The following RYR3 variants were observed in gnomAD, a reference collection of about 807,000 sequenced individuals.
RYR3 encodes the protein ryanodine receptor 3, also known as brain ryanodine receptor-calcium release channel.
RYR3 carries 207 observed loss-of-function variants against 584.3 expected under a neutral mutation model. The ratio of observed to expected loss-of-function variants is 0.35; its 90% CI spans 0.32 to 0.40. RYR3 has a LOEUF of 0.40. Ranked by LOEUF, RYR3 falls within the 10% of genes least tolerant of loss-of-function variation. The pLI is 1.00. For missense variants in RYR3, 5,616 were observed against 6,089.2 expected, an observed-to-expected ratio of 0.92 and a Z score of 2.59; for synonymous variants, 2,416 against 2,248.5, an observed-to-expected ratio of 1.07 and a Z score of -2.11.
rs543864876 is a variant in RYR3, at chr15:33,541,980, C to T, written c.646+1090C>T. Among the ~76,000 whole-genome samples the T allele has an allele frequency of 1.4e-4, 22 of 152,016 alleles. No individual in the cohort carries two copies. In the East Asian group the frequency reaches 1.5e-3, roughly 11 times the overall value. ...TCCATGTTAAATTTTTTATTTTCAC[C>T]ATAGGAATAAAATTATTTCCTGGTC... On this transcript the variant is annotated intron_variant, in intron 7 of 103. Coordinates refer to ENST00000634891, the MANE Select transcript of RYR3 (RefSeq NM_001036.6).
intron 42 of RYR3, among the ~76,000 whole-genome samples, chr15:33,705,101 T>C (rs1015046653): frequency 3.5e-5 from 5 of 142,214 alleles, no homozygotes; most frequent in African/African-American, 1.1e-4. Flanking sequence ...CACACACTCT[T>C]TCTCTCTCTC....
At chr15:33,401,935 T>C (rs1203351647) in intron 1 of RYR3, among the ~76,000 whole-genome samples, 1 of 152,176 alleles carries the variant, frequency 6.6e-6, no homozygotes, top group Non-Finnish European at 1.5e-5. Context: ...TGAGTACATA[T>C]TAATTTCAAC....
intron 91 of RYR3, among the ~76,000 whole-genome samples, chr15:33,842,389 C>T (rs7163140): frequency 0.24 from 36,489 of 152,198 alleles, 5,430 homozygotes; most frequent in African/African-American, 0.42. Context: ...GTTTTGATCA[C>T]GTGGGAATCA....
At chr15:33,685,987 G>A (rs1361850480) in intron 38 of RYR3, among the ~76,000 whole-genome samples, 2 of 152,142 alleles carry the variant, frequency 1.3e-5, no homozygotes, top group Non-Finnish European at 2.9e-5. Context: ...ACAAGAGAAA[G>A]CAGGAAAGAT....
At chr15:33,699,928 C>G in intron 41 of RYR3, 95 bp downstream of exon 41, 1 of 1,235,340 alleles carries the variant, frequency 8.1e-7, no homozygotes, top group South Asian at 1.4e-5. Context: ...GAGCCACATG[C>G]ACGCTGTGAT....
At chr15:33,457,043 C>A (rs1416960811) in intron 1 of RYR3, among the ~76,000 whole-genome samples, 1 of 152,018 alleles carries the variant, frequency 6.6e-6, no homozygotes, top group African/African-American at 2.4e-5. Context: ...GTTTGGAATA[C>A]ATGTAAATGT....
At chr15:33,722,524 A>C (rs2068014762) in intron 43 of RYR3, 191 bp from the exon 44 acceptor site, 1 of 604,172 alleles carries the variant, frequency 1.7e-6, no homozygotes, top group African/African-American at 1.9e-5. Context: ...GGGGTTTATA[A>C]CTAACTGACC....
At chr15:33,322,022 C>T (rs960194265) in intron 1 of RYR3, among the ~76,000 whole-genome samples, 1 of 152,160 alleles carries the variant, frequency 6.6e-6, no homozygotes, top group Non-Finnish European at 1.5e-5. Context: ...TTCTCCCCAA[C>T]GTTTAACTAT....
At chr15:33,369,707 A>AT (rs927113502) in intron 1 of RYR3, among the ~76,000 whole-genome samples, 69 of 152,190 alleles carry the variant, frequency 4.5e-4, no homozygotes, top group African/African-American at 1.6e-3. Context: ...TACCATGTCC[A>AT]TTTTTTTCTG....
Position 33,838,120 on chromosome 15 carries a change from A to G in RYR3, c.12140A>G (p.Glu4047Gly), listed in dbSNP as rs764833379. Residue 4047 changes from glutamate to glycine, a missense_variant, in exon 89 of 104, where the codon GAG (glutamate) becomes GGG (glycine). Glu to Gly is a moderately conservative substitution (Grantham distance 98, BLOSUM62 -2). Around this residue, in one of 9 missense-constraint regions of RYR3, gnomAD observed 258 missense variants for 297.3 expected, o/e 0.87. Transcript: ENST00000634891. ...AAGAAGATTGAGCGTGTTTATTTTG[A>G]GATCAGTGAATCCAGTCGCACTCAG... is the stretch of plus-strand genomic sequence containing the variant. ...GAKKIERVYFEISESSRTQWE... is the reference protein window; with the variant it reads ...GAKKIERVYFGISESSRTQWE... 1.9e-6 allele frequency: 3 copies of G among 1,613,992 alleles called. No homozygotes were observed. Among genetic ancestry groups the G allele is most frequent in the Non-Finnish European group, 2.5e-6 (3 of 1,179,894 alleles).
In RYR3 at chr15:33,580,014, T is replaced by C. The variant is rs377261225; in HGVS notation, c.1307T>C (p.Ile436Thr). 2.9e-5 allele frequency: 47 copies of C among 1,613,150 alleles called. No homozygotes were observed. Among genetic ancestry groups the C allele is most frequent in the Non-Finnish European group, 3.5e-5 (41 of 1,179,524 alleles). ...NRTAAPITLP[I>T]EEVLQTLQDL... ...ACAGCTGCCCCCATCACCCTGCCTA[T>C]AGAAGAAGTCCTGCAGACCCTACAG... Residue 436 changes from isoleucine to threonine, a missense_variant, in exon 13 of 104, where the codon ATA becomes ACA. Physicochemically the swap from Ile to Thr is moderately conservative, Grantham distance 89 (BLOSUM62 -1). Transcript: ENST00000634891.
intron 46 of RYR3, among the ~76,000 whole-genome samples, chr15:33,728,581 G>A (rs1258547218): frequency 6.6e-6 from 1 of 152,184 alleles, no homozygotes; most frequent in African/African-American, 2.4e-5. Flanking sequence ...TGCAATATTT[G>A]CGCTATACTT....
intron 1 of RYR3, chr15:33,465,742 T>A (rs2048432047): frequency 1.9e-6 from 1 of 518,960 alleles, no homozygotes; most frequent in African/African-American, 1.9e-5. Context: ...ATGGCTGAGC[T>A]AGGTGGTGGT....
intron 38 of RYR3, among the ~76,000 whole-genome samples, chr15:33,675,050 G>GTGCCAC (rs1321093912): frequency 2.0e-5 from 3 of 152,224 alleles, no homozygotes; most frequent in African/African-American, 7.2e-5. Context: ...AGCCGAGATA[G>GTGCCAC]TGCCACTGCA....
rs1401458167 is a variant in RYR3 at position 33,813,498 on chromosome 15, T to A, written c.10421T>A (p.Val3474Asp). Reference protein sequence around the residue: ...VEQPLRSKKAVWHKLLSKQRK... With the variant: ...VEQPLRSKKADWHKLLSKQRK... ...CAGCCTTTGAGGTCCAAGAAGGCCGTCTGGCACAAACTGTTATCAAAGCAA... is the reference window on the plus strand; with the variant it reads ...CAGCCTTTGAGGTCCAAGAAGGCCGACTGGCACAAACTGTTATCAAAGCAA... Residue 3474 changes from valine (V) to aspartate (D), a missense_variant, in exon 74 of 104, where the codon GTC (valine) becomes GAC (aspartate). By Grantham distance (152) the Val-to-Asp change is radical (BLOSUM62 -3). Around this residue, in one of 9 missense-constraint regions of RYR3, gnomAD observed 954 missense variants for 1,132.2 expected, o/e 0.84. Coordinates refer to ENST00000634891, the MANE Select transcript of RYR3 (RefSeq NM_001036.6). 1 of 1,613,932 alleles carries A rather than the reference T, an allele frequency of 6.2e-7. No individual in the cohort carries two copies. Among genetic ancestry groups the A allele is most frequent in the Non-Finnish European group, 8.5e-7 (1 of 1,179,880 alleles).
chr15:33,768,987 G>A lies in RYR3; in HGVS notation c.8756-125G>A, dbSNP rs111609733. On this transcript the variant is annotated intron_variant, in intron 61 of 103. Transcript: ENST00000634891. ...ATTAATGCATTGTCGCTGAACACAG[G>A]CCCAGGACTTTATGTGTTGGTAGTT... is the stretch of plus-strand genomic sequence containing the variant. 6.2e-3 allele frequency: 4,835 copies of A among 785,238 alleles called. 165 individuals are homozygous for A. In the African/African-American group the frequency reaches 0.072, roughly 12 times the overall value. 48.6% of individuals were successfully genotyped at this position (785,238 alleles called of 1,614,324 possible). A position where few individuals can be genotyped will look rare whatever the true frequency, so the allele number is the denominator to read the frequency against.
intron 60 of RYR3, among the ~76,000 whole-genome samples, chr15:33,763,895 A>AAAC (rs1452543157): frequency 4.8e-5 from 6 of 126,006 alleles, no homozygotes; most frequent in African/African-American, 2.1e-4. Context: ...TTCATCTCAA[A>AAAC]AAAAAAAAAA....
intron 53 of RYR3, among the ~76,000 whole-genome samples, 164 bp from the exon 54 acceptor site, chr15:33,747,950 G>A (rs1382162602): frequency 6.6e-6 from 1 of 152,194 alleles, no homozygotes; most frequent in Non-Finnish European, 1.5e-5. Flanking sequence ...CAGAAAGACT[G>A]TGTTTCGGGT....
intron 10 of RYR3, 24 bp downstream of exon 10, chr15:33,550,340 T>C (rs775540215): frequency 1.2e-6 from 2 of 1,602,458 alleles, no homozygotes; most frequent in Admixed American, 1.7e-5. Flanking sequence ...AAGTGGACTT[T>C]GACCCTGTTC....
Sources: gnomAD v4.1 joint callset for allele counts (sites outside exome capture counted in the v4.1 genomes callset) on GRCh38, gnomAD v4.1.1 for gene constraint, gnomAD v4.1.1 regional missense constraint, MANE v1.5 for transcripts, NCBI Gene and HGNC (gene_info 2026-07-23, HGNC 2026-07-21) for gene names.